CHM: variants seen among roughly 807,000 people sequenced by gnomAD.
CHM encodes CHM Rab escort protein.
In CHM, 10 loss-of-function variants were observed where a neutral mutation model predicts 49.0. The ratio of observed to expected loss-of-function variants is 0.20; its 90% confidence interval spans 0.13 to 0.35. CHM has a LOEUF of 0.35. Ranked by LOEUF, CHM falls within the 10% of genes least tolerant of loss-of-function variation. The probability of loss-of-function intolerance (pLI) is 1.00; values close to 1 mark genes in which losing one functional copy is unlikely to be tolerated. For missense variants in CHM, 455 were observed against 478.4 expected (o/e 0.95, Z 0.46); for synonymous variants, 184 against 167.5 (o/e 1.10, Z -0.76).
rs760000110 is a variant in CHM at position 85,956,220 on chromosome X, G to A, written c.1099C>T (p.Arg367Trp). 20 of 1,209,096 alleles carry A rather than the reference G, an allele frequency of 1.7e-5. No individual in the cohort carries two copies. In the East Asian group the frequency reaches 2.4e-4, roughly 14 times the overall value. Reference sequence around the variant, plus strand: ...AACAAAAATGGAGTGTTGCCATACCGCCCAAGACAGTGAAGAAAGTTTTTG... The same window carrying A: ...AACAAAAATGGAGTGTTGCCATACCACCCAAGACAGTGAAGAAAGTTTTTG... ...ATKNFLHCLGRYGNTPFLFPL... is the reference protein window; with the variant it reads ...ATKNFLHCLGWYGNTPFLFPL... Residue 367 changes from arginine to tryptophan, a missense_variant, in exon 8 of 15, where the codon CGG (arginine) becomes TGG (tryptophan). Physicochemically the swap from Arg to Trp is moderately radical, Grantham distance 101. Coordinates refer to ENST00000357749, the MANE Select transcript of CHM (RefSeq NM_000390.4).
At chrX:86,029,996 T>A (rs997557023) in intron 1 of CHM, among the ~76,000 whole-genome samples, 6 of 111,757 alleles carry the variant, frequency 5.4e-5, no homozygotes, top group African/African-American at 1.9e-4. Context: ...ACCCCAAACA[T>A]AAACCTATTT....
chrX:86,041,751 T>TAC (rs1934475522), intron 1 of CHM, among the ~76,000 whole-genome samples: 1 of 75,704 alleles, frequency 1.3e-5, no homozygotes, highest in African/African-American at 4.5e-5. Context: ...TATATATATA[T>TAC]ATATATACAT....
intron 11 of CHM, among the ~76,000 whole-genome samples, chrX:85,894,535 T>C (rs947293426): frequency 4.5e-5 from 5 of 111,705 alleles, no homozygotes; most frequent in Admixed American, 1.9e-4. Context: ...ATAGGTTTCT[T>C]ACTATAAACT....
intron 1 of CHM, among the ~76,000 whole-genome samples, chrX:86,044,398 G>A (rs1035131564): frequency 8.9e-6 from 1 of 112,098 alleles, no homozygotes; most frequent in Non-Finnish European, 1.9e-5. Flanking sequence ...TTCTAAGGGG[G>A]TGGTTCTAAT....
intron 14 of CHM, 86 bp from the exon 15 acceptor site, chrX:85,864,907 GTGTTT>G: frequency 1.1e-6 from 1 of 933,298 alleles, no homozygotes; most frequent in East Asian, 3.4e-5. Context: ...AAAAAAATAA[GTGTTT>G]TATCCTTAAA....
At chrX:86,004,885 A>G (rs1292756960) in intron 2 of CHM, among the ~76,000 whole-genome samples, 1 of 111,878 alleles carries the variant, frequency 8.9e-6, no homozygotes, top group Non-Finnish European at 1.9e-5. Context: ...ATATCCAGGA[A>G]TTGAACTCAG....
Position 85,892,664 on chromosome X carries a change from A to T in CHM, c.1510+1524T>A, listed in dbSNP as rs781040406. Reference sequence around the variant, plus strand: ...AAAGGGACTAATACACTATAAAAGGAGAAATGGTCCTCTGAGCTACTTTTC... The same window carrying T: ...AAAGGGACTAATACACTATAAAAGGTGAAATGGTCCTCTGAGCTACTTTTC... On this transcript the variant is annotated intron_variant, in intron 12 of 14. Transcript: ENST00000357749. Among the ~76,000 whole-genome samples the T allele has an allele frequency of 5.4e-5, 6 of 111,263 alleles. No homozygotes were observed. In the South Asian group the frequency reaches 2.3e-3, roughly 43 times the overall value.
intron 8 of CHM, among the ~76,000 whole-genome samples, chrX:85,914,332 C>T (rs1927326128): frequency 9.0e-6 from 1 of 110,705 alleles, no homozygotes; most frequent in African/African-American, 3.3e-5. Context: ...CAGGATTGGG[C>T]CGGTGTGATC....
chrX:85,921,613 T>C (rs971623989), intron 8 of CHM, among the ~76,000 whole-genome samples: 2 of 111,962 alleles, frequency 1.8e-5, no homozygotes, highest in African/African-American at 3.2e-5. Flanking sequence ...AGAGTGACCA[T>C]TGATCATCAA....
Position 85,986,140 on chromosome X carries a change from C to T in CHM, c.117-4331G>A, listed in dbSNP as rs1195138163. Among the ~76,000 whole-genome samples the T allele has an allele frequency of 3.6e-5, 4 of 111,265 alleles. No individual in the cohort carries two copies. The East Asian group carries it at 8.5e-4, about 24-fold the overall frequency. Reference sequence around the variant, plus strand: ...TAGGTCACACCCACCCCCGACTGCTCGCCACTAGAGAACACCCAGGTTGGG... The same window carrying T: ...TAGGTCACACCCACCCCCGACTGCTTGCCACTAGAGAACACCCAGGTTGGG... On this transcript the variant is annotated intron_variant, in intron 2 of 14. Coordinates refer to ENST00000357749, the MANE Select transcript of CHM (RefSeq NM_000390.4).
chrX:85,864,401 G>A lies in CHM; in HGVS notation c.*229C>T. Reference sequence around the variant, plus strand: ...ATCAATTGATTTATAATTTTCATCTGCTAGTCACACAAGTTTGGTATTTAA... The same window carrying A: ...ATCAATTGATTTATAATTTTCATCTACTAGTCACACAAGTTTGGTATTTAA... On this transcript the variant is annotated 3_prime_UTR_variant, in exon 15 of 15. Coordinates refer to ENST00000357749, the MANE Select transcript of CHM (RefSeq NM_000390.4). 1 of 399,003 alleles carries A rather than the reference G, an allele frequency of 2.5e-6. No individual in the cohort carries two copies. Among genetic ancestry groups the A allele is most frequent in the Non-Finnish European group, 4.4e-6 (1 of 227,438 alleles). The allele number at this position is 399,003 out of a possible 1,213,427, so 32.9% of individuals were successfully genotyped here.
At chrX:86,042,806 G>A (rs1210833298) in intron 1 of CHM, among the ~76,000 whole-genome samples, 1 of 109,343 alleles carries the variant, frequency 9.1e-6, no homozygotes, top group South Asian at 4.0e-4. Flanking sequence ...TAGGGTGACA[G>A]AGCAAGACCC....
At chrX:86,016,904 C>T (rs1933327027) in intron 2 of CHM, among the ~76,000 whole-genome samples, 1 of 112,455 alleles carries the variant, frequency 8.9e-6, no homozygotes, top group South Asian at 3.7e-4. Context: ...AGGAGGGAGG[C>T]TGTACCCTGC....
chrX:85,935,593 G>C (rs1284693562), intron 8 of CHM, among the ~76,000 whole-genome samples: 1 of 111,558 alleles, frequency 9.0e-6, no homozygotes, highest in East Asian at 2.8e-4. Context: ...ATAGACAAAC[G>C]TAACACAATG....
At chrX:85,942,755 CT>C (rs71686003) in intron 8 of CHM, among the ~76,000 whole-genome samples, 27,732 of 101,510 alleles carry the variant, frequency 0.27, 2,935 homozygotes, top group African/African-American at 0.36. Flanking sequence ...TCAATGTTTT[CT>C]TTTTTTTTTT....
At chrX:85,992,987 C>T (rs1433094863) in intron 2 of CHM, among the ~76,000 whole-genome samples, 1 of 111,789 alleles carries the variant, frequency 8.9e-6, no homozygotes, top group Non-Finnish European at 1.9e-5. Context: ...ACAAATAATA[C>T]ACAAAGGTTG....
At chrX:86,021,304 T>A (rs1321274364) in intron 2 of CHM, among the ~76,000 whole-genome samples, 2 of 106,572 alleles carry the variant, frequency 1.9e-5, no homozygotes, top group Non-Finnish European at 3.9e-5. Context: ...GGGCTTACTA[T>A]GAAGCACTGT....
chrX:85,940,638 A>C (rs950770597), intron 8 of CHM, among the ~76,000 whole-genome samples: 1 of 106,921 alleles, frequency 9.4e-6, no homozygotes, highest in Admixed American at 1.0e-4. Context: ...AAAAAAAAAA[A>C]TGTAAATAGT....
At chrX:85,901,034 G>T (rs763013919) in intron 10 of CHM, 50 bp downstream of exon 10, 2 of 839,229 alleles carry the variant, frequency 2.4e-6, no homozygotes, top group South Asian at 4.4e-5. Context: ...AATTACACAG[G>T]AATGTCAATA....
Sources: gnomAD v4.1 joint callset for allele counts (sites outside exome capture counted in the v4.1 genomes callset) on GRCh38, gnomAD v4.1.1 for gene constraint, MANE v1.5 for transcripts, NCBI Gene and HGNC (gene_info 2026-07-23, HGNC 2026-07-21) for gene names.